The following ATAD2B variants were observed in gnomAD, a reference collection of about 807,000 sequenced individuals.
The protein encoded by ATAD2B is ATPase family AAA domain containing 2B, also known as ATPase family AAA domain-containing protein 2B.
Under a neutral mutation model 167.6 loss-of-function variants are expected in ATAD2B, and 40 were observed. The observed-to-expected ratio is 0.24, with a 90% CI of 0.19 to 0.31. The LOEUF is 0.31. Ranked by LOEUF, ATAD2B falls within the 10% of genes least tolerant of loss-of-function variation. ATAD2B has a pLI of 1.00. For missense variants in ATAD2B, 1,242 were observed against 1,757.2 expected (o/e 0.71, Z 5.24); for synonymous variants, 579 against 596.5 (o/e 0.97, Z 0.43).
intron 17 of ATAD2B, among the ~76,000 whole-genome samples, chr2:23,815,114 T>C (rs776103843): frequency 6.7e-6 from 1 of 150,114 alleles, no homozygotes; most frequent in Non-Finnish European, 1.5e-5. Flanking sequence ...AGCATTAAGA[T>C]ACTTTAGAGG....
At chr2:23,720,578 C>CAAAAAAAA in the ATAD2B span, among the ~76,000 whole-genome samples, 1 of 126,742 alleles carries the variant, frequency 7.9e-6, no homozygotes, top group Non-Finnish European at 1.6e-5. Context: ...GACTCCGTCT[C>CAAAAAAAA]AAAAAAAAAA....
At chr2:23,857,571 T>A in intron 12 of ATAD2B, 68 bp from the exon 13 acceptor site, 1 of 740,890 alleles carries the variant, frequency 1.3e-6, no homozygotes. Context: ...TATATTTTCT[T>A]AATAGGTAAT....
chr2:23,736,227 AC>A, the ATAD2B span, among the ~76,000 whole-genome samples: 8 of 148,584 alleles, frequency 5.4e-5, no homozygotes, highest in South Asian at 2.2e-4. Context: ...CCATAAAGGA[AC>A]CCCCCCCATT....
At chr2:23,808,547 A>C (rs1685023392) in intron 18 of ATAD2B, among the ~76,000 whole-genome samples, 1 of 152,058 alleles carries the variant, frequency 6.6e-6, no homozygotes, top group South Asian at 2.1e-4. Context: ...TTTCTAACTT[A>C]TTATAGTATT....
the ATAD2B span, chr2:23,691,492 T>C: frequency 6.6e-6 from 4 of 604,888 alleles, no homozygotes; most frequent in Middle Eastern, 4.4e-4. Context: ...TGGGCGTCTC[T>C]GGTCAGACTC....
chr2:23,694,999 A>G, the ATAD2B span, among the ~76,000 whole-genome samples: 3 of 152,140 alleles, frequency 2.0e-5, no homozygotes, highest in African/African-American at 7.2e-5. Flanking sequence ...CTCGTTACTC[A>G]TGGGATGAAA....
chr2:23,916,797 A>T (rs1703101100), intron 1 of ATAD2B, among the ~76,000 whole-genome samples: 1 of 152,128 alleles, frequency 6.6e-6, no homozygotes, highest in African/African-American at 2.4e-5. Flanking sequence ...TAAAACCCAC[A>T]CAGGAAGTGA....
chr2:23,740,434 G>A, the ATAD2B span, among the ~76,000 whole-genome samples: 1 of 150,980 alleles, frequency 6.6e-6, no homozygotes, highest in Non-Finnish European at 1.5e-5. Context: ...CATATAAACA[G>A]AACCAAAGAC....
At chr2:23,880,404 G>T (rs544781127) in intron 7 of ATAD2B, among the ~76,000 whole-genome samples, 2 of 151,900 alleles carry the variant, frequency 1.3e-5, no homozygotes, top group Admixed American at 6.6e-5. Flanking sequence ...TAGCCAGGAT[G>T]GTCTCGAGCT....
intron 24 of ATAD2B, 24 bp from the exon 25 acceptor site, chr2:23,758,125 G>C (rs1676163323): frequency 2.0e-6 from 3 of 1,501,486 alleles, no homozygotes; most frequent in Non-Finnish European, 2.7e-6. Flanking sequence ...AAGGAAAAAA[G>C]ATATGTAGAA....
the ATAD2B span, among the ~76,000 whole-genome samples, chr2:23,738,993 G>T: frequency 1.1e-3 from 168 of 152,252 alleles, no homozygotes; most frequent in Non-Finnish European, 7.1e-4. Context: ...TCAACAAGAA[G>T]AACTAACTAT....
At chr2:23,861,056 G>A (rs1694277222) in intron 12 of ATAD2B, among the ~76,000 whole-genome samples, 2 of 151,776 alleles carry the variant, frequency 1.3e-5, no homozygotes, top group South Asian at 2.1e-4. Context: ...ATGGCCCAGT[G>A]CAGTGGCTCA....
intron 18 of ATAD2B, among the ~76,000 whole-genome samples, chr2:23,807,679 G>T (rs1290560566): frequency 6.6e-6 from 1 of 151,414 alleles, no homozygotes; most frequent in Non-Finnish European, 1.5e-5. Flanking sequence ...AGCTGGGCAT[G>T]GTGGCACGCA....
chr2:23,727,713 A>G, the ATAD2B span, among the ~76,000 whole-genome samples: 1 of 152,238 alleles, frequency 6.6e-6, no homozygotes, highest in Non-Finnish European at 1.5e-5. Flanking sequence ...TATCCATACA[A>G]TGGAATATTG....
At chr2:23,745,422 A>AAGGAAGGAAGAAAGGAAAGGG (rs1491261605), downstream of ATAD2B, among the ~76,000 whole-genome samples, 139 of 85,068 alleles carry the variant, frequency 1.6e-3, no homozygotes, top group South Asian at 6.6e-3. Context: ...GGAAGGAAGG[A>AAGGAAGGAAGAAAGGAAAGGG]AAGGGAAGGG....
intron 15 of ATAD2B, among the ~76,000 whole-genome samples, chr2:23,824,833 A>T (rs547489082): frequency 6.6e-6 from 1 of 152,372 alleles, no homozygotes; most frequent in South Asian, 2.1e-4. Flanking sequence ...CCCTGTTGGC[A>T]ATTAAACTTG....
At chr2:23,688,603 A>C in the ATAD2B span, among the ~76,000 whole-genome samples, 1 of 151,268 alleles carries the variant, frequency 6.6e-6, no homozygotes, top group African/African-American at 2.4e-5. Context: ...GGGCACCCCC[A>C]CGCCCAGAAG....
In ATAD2B at chr2:23,863,444, T is replaced by C. The variant is rs1694714632; in HGVS notation, c.1416A>G (p.Gly472=). 1 of 1,552,648 alleles carries C rather than the reference T, an allele frequency of 6.4e-7. No homozygotes were observed. Among genetic ancestry groups the C allele is most frequent in the Non-Finnish European group, 8.7e-7 (1 of 1,147,308 alleles). Residue 472 remains glycine, a synonymous_variant, in exon 12 of 28, where the codon GGA becomes GGG. Transcript: ENST00000238789. ...CAACCCACTTGCTCAAACAATCTGC[T>C]CCTTTTCGCATAAAAAAAGCCACTT... ...DKKVAFFMRK[G]ADCLSKWVGE...
chr2:23,807,194 G>C (rs1011233707), intron 18 of ATAD2B, among the ~76,000 whole-genome samples: 1 of 152,088 alleles, frequency 6.6e-6, no homozygotes, highest in African/African-American at 2.4e-5. Context: ...TGAGAATATT[G>C]ACATTTAATT....
Sources: allele counts gnomAD v4.1 joint callset (sites outside exome capture counted in the v4.1 genomes callset), GRCh38; gene constraint gnomAD v4.1.1; transcripts MANE v1.5; gene names NCBI Gene and HGNC (gene_info 2026-07-23, HGNC 2026-07-21).